SCFD2: variants seen among roughly 807,000 people sequenced by gnomAD.
The protein encoded by SCFD2 is sec1 family domain containing 2.
In SCFD2, 54 loss-of-function variants were observed where a neutral mutation model predicts 58.9. The ratio of observed to expected loss-of-function variants is 0.92; its 90% CI spans 0.74 to 1.15. SCFD2 has a LOEUF of 1.15. SCFD2 is among the 50% of genes most tolerant of loss of function. SCFD2 has a pLI of 0.00. For synonymous variants in SCFD2, 321 were observed against 335.9 expected, an observed-to-expected ratio of 0.96 and a Z score of 0.49; for missense variants, 805 against 836.6, an observed-to-expected ratio of 0.96 and a Z score of 0.47.
intron 4 of SCFD2, among the ~76,000 whole-genome samples, chr4:53,217,953 C>T (rs538734094): frequency 6.6e-6 from 1 of 152,134 alleles, no homozygotes; most frequent in Non-Finnish European, 1.5e-5. Context: ...TTTTCTTTAA[C>T]AATGTTGAAT....
chr4:52,917,825 T>C (rs1172593162), intron 6 of SCFD2, among the ~76,000 whole-genome samples: 1 of 152,254 alleles, frequency 6.6e-6, no homozygotes, highest in Non-Finnish European at 1.5e-5. Flanking sequence ...GTCTACTTTC[T>C]GCATCTGAAT....
chr4:53,165,979 T>C (rs1726994410), intron 4 of SCFD2, among the ~76,000 whole-genome samples: 1 of 152,256 alleles, frequency 6.6e-6, no homozygotes, highest in Admixed American at 6.5e-5. Context: ...TTTCTGTCTG[T>C]ATAAATTTGA....
chr4:53,042,257 C>A (rs1320873484), intron 5 of SCFD2, among the ~76,000 whole-genome samples: 1 of 152,136 alleles, frequency 6.6e-6, no homozygotes, highest in Non-Finnish European at 1.5e-5. Flanking sequence ...AATCATTTCA[C>A]TGTTTTCAAC....
chr4:53,073,760 T>C (rs1396681581), intron 5 of SCFD2, among the ~76,000 whole-genome samples: 2 of 152,206 alleles, frequency 1.3e-5, no homozygotes, highest in African/African-American at 2.4e-5. Flanking sequence ...AAAAGTTATA[T>C]TCATAGTATG....
chr4:52,952,405 C>T (rs370040432), intron 5 of SCFD2, among the ~76,000 whole-genome samples: 9 of 152,106 alleles, frequency 5.9e-5, no homozygotes, highest in South Asian at 2.1e-4. Context: ...CAGGCCCCTG[C>T]GGTCTGCTCC....
At chr4:53,359,296 C>T (rs1734485901) in intron 1 of SCFD2, among the ~76,000 whole-genome samples, 1 of 151,986 alleles carries the variant, frequency 6.6e-6, no homozygotes, top group African/African-American at 2.4e-5. Flanking sequence ...GGCTAGCATC[C>T]AAAATATTTA....
At chr4:53,021,932 A>G (rs1722359399) in intron 5 of SCFD2, among the ~76,000 whole-genome samples, 1 of 152,176 alleles carries the variant, frequency 6.6e-6, no homozygotes, top group Non-Finnish European at 1.5e-5. Flanking sequence ...GCAGATGGAA[A>G]ACATTACTGA....
intron 4 of SCFD2, among the ~76,000 whole-genome samples, chr4:53,187,346 T>C (rs1457566344): frequency 1.3e-5 from 2 of 152,058 alleles, no homozygotes; most frequent in Non-Finnish European, 2.9e-5. Flanking sequence ...GAGGGCACTT[T>C]GCCAATAACC....
intron 5 of SCFD2, among the ~76,000 whole-genome samples, chr4:53,131,192 G>T (rs911055647): frequency 2.1e-4 from 32 of 152,144 alleles, no homozygotes; most frequent in Admixed American, 1.9e-3. Context: ...TTTTGACAAT[G>T]AGAATTTATT....
intron 7 of SCFD2, among the ~76,000 whole-genome samples, chr4:52,899,660 G>T (rs561048348): frequency 0.014 from 2,060 of 152,170 alleles, 53 homozygotes; most frequent in African/African-American, 0.047. Context: ...GTATCTTTGT[G>T]GCGTTCCCTG....
chr4:52,905,636 T>C (rs1221599529), intron 7 of SCFD2, among the ~76,000 whole-genome samples: 2 of 152,204 alleles, frequency 1.3e-5, no homozygotes, highest in Non-Finnish European at 2.9e-5. Context: ...GAGCATTTTG[T>C]CACGAGCCCT....
At chr4:53,039,600 G>GA (rs1722845024) in intron 5 of SCFD2, among the ~76,000 whole-genome samples, 1 of 152,146 alleles carries the variant, frequency 6.6e-6, no homozygotes, top group African/African-American at 2.4e-5. Context: ...CCTGAGTTTA[G>GA]GCATATCTTT....
chr4:53,192,531 TA>T (rs1014870012), intron 4 of SCFD2, among the ~76,000 whole-genome samples: 5 of 152,128 alleles, frequency 3.3e-5, no homozygotes, highest in African/African-American at 1.2e-4. Context: ...GTATTCTAAA[TA>T]AAATGTTTAT....
chr4:53,097,718 G>T (rs940164119), intron 5 of SCFD2, among the ~76,000 whole-genome samples: 2 of 152,122 alleles, frequency 1.3e-5, no homozygotes, highest in African/African-American at 4.8e-5. Flanking sequence ...TCTTTCTCCT[G>T]CCTGATTGCC....
At chr4:53,125,904 G>A (rs886780635) in intron 5 of SCFD2, among the ~76,000 whole-genome samples, 7 of 152,110 alleles carry the variant, frequency 4.6e-5, no homozygotes, top group Non-Finnish European at 7.4e-5. Context: ...GAAGAGTATG[G>A]GAGAGCATCC....
At chr4:52,941,541 C>T (rs1179461533) in intron 5 of SCFD2, among the ~76,000 whole-genome samples, 1 of 152,208 alleles carries the variant, frequency 6.6e-6, no homozygotes, top group Non-Finnish European at 1.5e-5. Context: ...ATTATTACCC[C>T]ACTGTGTTAA....
intron 5 of SCFD2, among the ~76,000 whole-genome samples, chr4:53,144,227 G>A (rs1180269332): frequency 2.6e-5 from 4 of 151,530 alleles, no homozygotes; most frequent in African/African-American, 7.3e-5. Context: ...AGAGAGGATC[G>A]CTTGAGCCCA....
At chr4:53,194,685 G>A (rs576691234) in intron 4 of SCFD2, among the ~76,000 whole-genome samples, 98 of 152,184 alleles carry the variant, frequency 6.4e-4, no homozygotes, top group African/African-American at 2.2e-3. Flanking sequence ...TAGACTAGCT[G>A]AGATGAACAC....
chr4:53,199,700 C>G lies in SCFD2; in HGVS notation c.1312-54118G>C, dbSNP rs561093559. Among the ~76,000 whole-genome samples, 99 of 152,188 alleles carry G rather than the reference C, an allele frequency of 6.5e-4. 1 individual carries two copies. The highest frequency in any genetic ancestry group is 2.2e-3 in the African/African-American group (91 of 41,540). On this transcript the variant is annotated intron_variant, in intron 4 of 8. Transcript: ENST00000401642. ...TGAACTTCCCAGCTGGCGAACACAT[C>G]AACAACATGCTGGAAAGGTGGAATG...
Sources: allele counts gnomAD v4.1 joint callset (sites outside exome capture counted in the v4.1 genomes callset), GRCh38; gene constraint gnomAD v4.1.1; transcripts MANE v1.5; gene names NCBI Gene and HGNC (gene_info 2026-07-23, HGNC 2026-07-21).